Variants in GLIPR1 observed in about 807,000 individuals in gnomAD.
GLIPR1 encodes the protein GLI pathogenesis related 1, also known as glioma pathogenesis-related protein 1.
In GLIPR1, 38 loss-of-function variants were observed where a neutral mutation model predicts 30.3. The observed-to-expected ratio is 1.26, with a 90% confidence interval of 0.97 to 1.65. The LOEUF (loss-of-function observed/expected upper bound fraction) is 1.65, where lower values mean the gene tolerates loss of function less well. GLIPR1 is among the 40% of genes most tolerant of loss of function. The pLI is 0.00. For missense variants in GLIPR1, 285 were observed against 326.5 expected (o/e 0.87, Z 0.98); for synonymous variants, 122 against 110.6 (o/e 1.10, Z -0.65).
intron 2 of GLIPR1, among the ~76,000 whole-genome samples, chr12:75,488,275 C>T (rs1462710887): frequency 1.3e-5 from 2 of 151,918 alleles, no homozygotes; most frequent in Non-Finnish European, 1.5e-5. Flanking sequence ...TGGTGGCTCA[C>T]GCCTGTAATC....
chr12:75,495,424 A>G, intron 3 of GLIPR1, 153 bp from the exon 4 acceptor site: 1 of 576,144 alleles, frequency 1.7e-6, no homozygotes, highest in Non-Finnish European at 3.2e-6. Context: ...GCAGCCTTCC[A>G]TTTCTGCCTT....
At position 75,501,626 on chromosome 12, in the gene GLIPR1, G is replaced by T; in HGVS notation, c.*2648G>T. 1.3e-6 allele frequency: 1 copy of T among 768,616 alleles called. No homozygotes were observed. Among genetic ancestry groups the T allele is most frequent in the Non-Finnish European group, 2.1e-6 (1 of 466,946 alleles). 47.6% of individuals were successfully genotyped at this position (768,616 alleles called of 1,614,324 possible). ...TTAATGAAATGCTAAGAGAACTGATGAAAAGATACAACTGTTTCTTAAAAA... is the reference window on the plus strand; with the variant it reads ...TTAATGAAATGCTAAGAGAACTGATTAAAAGATACAACTGTTTCTTAAAAA... On this transcript the variant is annotated 3_prime_UTR_variant, in exon 6 of 6. Coordinates refer to ENST00000266659, the MANE Select transcript of GLIPR1 (RefSeq NM_006851.3).
rs186139914 is a variant in GLIPR1, at chr12:75,482,955, A to T, written c.420+876A>T. On this transcript the variant is annotated intron_variant, in intron 2 of 5. Coordinates refer to ENST00000266659, the MANE Select transcript of GLIPR1 (RefSeq NM_006851.3). ...GTTTTGGGGCACAAAAAATCAGTTG[A>T]AATGAGGTATGAAGGCAAAAACGTT... is the stretch of plus-strand genomic sequence containing the variant. Among the ~76,000 whole-genome samples, 752 of 152,240 alleles carry T rather than the reference A, an allele frequency of 4.9e-3. 3 individuals carry two copies. The highest frequency in any genetic ancestry group is 0.017 in the African/African-American group (715 of 41,536).
rs1189857054 is a variant in GLIPR1 at position 75,502,869 on chromosome 12, C to CT, written c.*3894dup. On this transcript the variant is annotated 3_prime_UTR_variant, in exon 6 of 6. Transcript: ENST00000266659. ...ATGGTTTAATGACTGCATCACTCCACTTTCCCCCTAACTACTATCAATTTC... is the reference window on the plus strand; with the variant it reads ...ATGGTTTAATGACTGCATCACTCCACTTTTCCCCCTAACTACTATCAATTTC... 8 of 152,018 alleles carry CT rather than the reference C, an allele frequency of 5.3e-5. No individual in the cohort carries two copies. In the South Asian group the frequency reaches 1.2e-3, roughly 24 times the overall value. The allele number at this position is 152,018 out of a possible 1,614,324, so 9.4% of individuals were successfully genotyped here.
rs764913182 is a variant in GLIPR1, at chr12:75,501,843, A to G, written c.*2865A>G. 23 of 1,562,896 alleles carry G rather than the reference A, an allele frequency of 1.5e-5. No individual in the cohort carries two copies. Among genetic ancestry groups the G allele is most frequent in the Non-Finnish European group, 2.0e-5 (23 of 1,142,696 alleles). On this transcript the variant is annotated 3_prime_UTR_variant, in exon 6 of 6. Coordinates refer to ENST00000266659, the MANE Select transcript of GLIPR1 (RefSeq NM_006851.3). The stretch of plus-strand genomic sequence containing the variant: ...TACATTAATAAATAAAAAATATATC[A>G]GTTAAATGTATTTATAGTTAAATAA...
At chr12:75,498,633 T>C in intron 4 of GLIPR1, 61 bp from the exon 5 acceptor site, 2 of 1,352,860 alleles carry the variant, frequency 1.5e-6, no homozygotes, top group Non-Finnish European at 1.1e-6. Flanking sequence ...CTTTTTAAAA[T>C]AAAACTCTCA....
intron 3 of GLIPR1, chr12:75,490,727 G>GT (rs1566097795): frequency 3.7e-5 from 15 of 410,218 alleles, no homozygotes; most frequent in South Asian, 6.0e-5. Context: ...AGAGAGAGAG[G>GT]GTGTGTGTGT....
In GLIPR1 at chr12:75,502,254, A is replaced by G; in HGVS notation, c.*3276A>G. On this transcript the variant is annotated 3_prime_UTR_variant, in exon 6 of 6. Transcript: ENST00000266659. ...ATGGCATGGAAGGTCACTGATTCAGAAAAGTGTGAGAAGAAACTGGAGAGA... is the reference window on the plus strand; with the variant it reads ...ATGGCATGGAAGGTCACTGATTCAGGAAAGTGTGAGAAGAAACTGGAGAGA... 6.0e-6 allele frequency: 2 copies of G among 330,748 alleles called. No homozygotes were observed. The highest frequency in any genetic ancestry group is 1.1e-5 in the Non-Finnish European group (2 of 182,006). The allele number at this position is 330,748 out of a possible 1,614,324, so 20.5% of individuals were successfully genotyped here.
intron 1 of GLIPR1, 117 bp from the exon 2 acceptor site, chr12:75,481,717 C>A (rs1410109249): frequency 1.2e-6 from 1 of 842,632 alleles, no homozygotes; most frequent in East Asian, 2.4e-5. Context: ...ATAGAGGACT[C>A]ATATGCAGTG....
At chr12:75,482,189 A>C (rs1334897545) in intron 2 of GLIPR1, 110 bp downstream of exon 2, 1 of 950,224 alleles carries the variant, frequency 1.1e-6, no homozygotes, top group Admixed American at 2.3e-5. Context: ...TGTAAATATA[A>C]GGGAGTTAAA....
At chr12:75,486,814 G>A (rs1452637428) in intron 2 of GLIPR1, among the ~76,000 whole-genome samples, 2 of 152,102 alleles carry the variant, frequency 1.3e-5, no homozygotes, top group Non-Finnish European at 2.9e-5. Context: ...GTCTGGTGGG[G>A]GTTGACCACA....
chr12:75,481,174 C>A, intron 1 of GLIPR1, 120 bp downstream of exon 1: 1 of 685,832 alleles, frequency 1.5e-6, no homozygotes, highest in African/African-American at 1.8e-5. Context: ...TTAATGTATG[C>A]AGTAAATTCA....
chr12:75,485,677 A>G (rs1353073364), intron 2 of GLIPR1, among the ~76,000 whole-genome samples: 1 of 150,248 alleles, frequency 6.7e-6, no homozygotes, highest in Non-Finnish European at 1.5e-5. Context: ...CAGCCTCCCA[A>G]GTAGCTGGGA....
rs1292472216 is a variant in GLIPR1, at chr12:75,500,638, G to A, written c.*1660G>A. 1 of 151,840 alleles carries A rather than the reference G, an allele frequency of 6.6e-6. No individual in the cohort carries two copies. Among genetic ancestry groups the A allele is most frequent in the African/African-American group, 2.4e-5 (1 of 41,334 alleles). The allele number at this position is 151,840 out of a possible 1,614,324, so 9.4% of individuals were successfully genotyped here. Reference sequence around the variant, plus strand: ...AGAGTGTGTGGAAGTCCCCCTAATAGAAGCCAACTATCTAATCAATGCCAA... The same window carrying A: ...AGAGTGTGTGGAAGTCCCCCTAATAAAAGCCAACTATCTAATCAATGCCAA... On this transcript the variant is annotated 3_prime_UTR_variant, in exon 6 of 6. Transcript: ENST00000266659.
intron 2 of GLIPR1, among the ~76,000 whole-genome samples, chr12:75,485,533 T>TTTAATTTATTTA: frequency 9.0e-6 from 1 of 110,498 alleles, no homozygotes; most frequent in Non-Finnish European, 2.1e-5. Context: ...GACAGCTTTA[T>TTTAATTTATTTA]TTTATTTATT....
Position 75,503,606 on chromosome 12 carries a change from G to C in GLIPR1, c.*4628G>C, listed in dbSNP as rs2046408737. ...CAGTCACAATAATGTTGCCAAATCA[G>C]AGAAAAGAGTATTGCAGACTAAACG... On this transcript the variant is annotated 3_prime_UTR_variant, in exon 6 of 6. Transcript: ENST00000266659. 9.6e-6 allele frequency: 2 copies of C among 208,572 alleles called. No homozygotes were observed. The highest frequency in any genetic ancestry group is 4.6e-5 in the African/African-American group (2 of 43,724). 12.9% of individuals were successfully genotyped at this position (208,572 alleles called of 1,614,324 possible).
Position 75,499,629 on chromosome 12 carries a change from A to AAAT in GLIPR1, c.*652_*654dup, listed in dbSNP as rs2046376652. 2.8e-6 allele frequency: 1 copy of AAAT among 353,540 alleles called. No individual in the cohort carries two copies. The allele number at this position is 353,540 out of a possible 1,614,324, so 21.9% of individuals were successfully genotyped here. ...AGACTTATATACCACTTTCTCGTATAAATTTTTCAAAAAATACAATAATAA... is the reference window on the plus strand; with the variant it reads ...AGACTTATATACCACTTTCTCGTATAAATAATTTTTCAAAAAATACAATAATAA... On this transcript the variant is annotated 3_prime_UTR_variant, in exon 6 of 6. Coordinates refer to ENST00000266659, the MANE Select transcript of GLIPR1 (RefSeq NM_006851.3).
In GLIPR1 at chr12:75,490,553, C is replaced by CCA. The variant is rs1555239697; in HGVS notation, c.533+36_533+37insAC. ...TGAATCAACCGGTTTATAGGAAACG[C>CCA]CCCCCCCCCCCCGCAAAAAAAAACA... On this transcript the variant is annotated intron_variant, in intron 3 of 5. Coordinates refer to ENST00000266659, the MANE Select transcript of GLIPR1 (RefSeq NM_006851.3). 9 of 69,040 alleles carry CCA rather than the reference C, an allele frequency of 1.3e-4. 1 individual carries two copies. The highest frequency in any genetic ancestry group is 4.4e-4 in the Admixed American group (1 of 2,274). The allele number at this position is 69,040 out of a possible 1,614,324, so 4.3% of individuals were successfully genotyped here. A position where few individuals can be genotyped will look rare whatever the true frequency, so the allele number is the denominator to read the frequency against.
rs1227336574 is a variant in GLIPR1, at chr12:75,498,902, C to A, written c.725C>A (p.Ser242Ter). The change falls in exon 6 of 6, where the codon TCA (serine) becomes TAA (stop). Residue 242 changes from serine (S) to a stop codon, truncating the protein, a stop_gained. Coordinates refer to ENST00000266659, the MANE Select transcript of GLIPR1 (RefSeq NM_006851.3). LOFTEE classifies it high-confidence loss of function. ...RYTSLFLIVN[S>*]VILILSVIIT... ...ACTTCTCTCTTTCTCATTGTTAATT[C>A]AGTAATTCTAATACTGTCTGTTATA... 2 of 1,606,734 alleles carry A rather than the reference C, an allele frequency of 1.2e-6. No homozygotes were observed. The highest frequency in any genetic ancestry group is 8.5e-7 in the Non-Finnish European group (1 of 1,173,758).
Sources: gnomAD v4.1 joint callset for allele counts (sites outside exome capture counted in the v4.1 genomes callset) on GRCh38, gnomAD v4.1.1 for gene constraint, MANE v1.5 for transcripts, NCBI Gene and HGNC (gene_info 2026-07-23, HGNC 2026-07-21) for gene names.